Variants in RABEPK observed in about 807,000 individuals in gnomAD.
RABEPK encodes the protein Rab9 effector protein with kelch motifs.
RABEPK carries 27 observed loss-of-function variants against 34.1 expected under a neutral mutation model. That is an observed-to-expected ratio of 0.79 (90% confidence interval 0.58 to 1.09). The LOEUF is 1.09. RABEPK is among the 50% of genes least tolerant of loss of function. The pLI is 0.00. For synonymous variants in RABEPK, 172 were observed against 169.2 expected (o/e 1.02, Z -0.13); for missense variants, 449 against 462.6 (o/e 0.97, Z 0.27).
Position 125,200,597 on chromosome 9 carries a change from G to C in RABEPK, c.-316G>C, listed in dbSNP as rs768110810. On this transcript the variant is annotated 5_prime_UTR_variant, in exon 1 of 8. Transcript: ENST00000373538. ...CCGCAGGTATTGCAGTCCGGGGCTG[G>C]AGGGTAGGGGCGAGGGTCCCCGGAT... The C allele has an allele frequency of 1.8e-5, 8 of 443,756 alleles. No homozygotes were observed. The highest frequency in any genetic ancestry group is 1.3e-4 in the South Asian group (8 of 61,474). The allele number at this position is 443,756 out of a possible 1,614,324, so 27.5% of individuals were successfully genotyped here.
At chr9:125,219,465 G>T (rs1355545481) in intron 4 of RABEPK, among the ~76,000 whole-genome samples, 1 of 151,892 alleles carries the variant, frequency 6.6e-6, no homozygotes, top group African/African-American at 2.4e-5. Flanking sequence ...CATGATCTCA[G>T]CTCACTGCAT....
chr9:125,229,974 C>CT (rs1414576163), intron 6 of RABEPK, among the ~76,000 whole-genome samples: 2 of 151,940 alleles, frequency 1.3e-5, no homozygotes, highest in Non-Finnish European at 2.9e-5. Context: ...CAGGTACTTT[C>CT]TTTTTTTTGA....
At chr9:125,209,496 C>T (rs1457312176) in intron 3 of RABEPK, among the ~76,000 whole-genome samples, 3 of 151,964 alleles carry the variant, frequency 2.0e-5, no homozygotes, top group East Asian at 1.9e-4. Context: ...ATTACAGGCG[C>T]GTGCCACCAG....
At chr9:125,233,509 T>G (rs1467425727) in intron 7 of RABEPK, among the ~76,000 whole-genome samples, 179 bp from the exon 8 acceptor site, 2 of 151,770 alleles carry the variant, frequency 1.3e-5, no homozygotes, top group Non-Finnish European at 2.9e-5. Flanking sequence ...CAGCTAATTT[T>G]TTTTTTGTAT....
At chr9:125,210,785 C>T (rs149677720) in intron 3 of RABEPK, among the ~76,000 whole-genome samples, 29 of 150,904 alleles carry the variant, frequency 1.9e-4, no homozygotes, top group African/African-American at 6.1e-4. Flanking sequence ...AATGGTGACC[C>T]ACTTACGTAT....
chr9:125,225,986 A>AG (rs1831713033), intron 5 of RABEPK, among the ~76,000 whole-genome samples: 1 of 150,276 alleles, frequency 6.7e-6, no homozygotes. Context: ...AAAAAGAAAA[A>AG]GAAAAAAAAA....
chr9:125,207,703 G>A lies in RABEPK; in HGVS notation c.193G>A (p.Val65Met), dbSNP rs776184491. The A allele has an allele frequency of 3.1e-6, 5 of 1,613,990 alleles. No homozygotes were observed. The highest frequency in any genetic ancestry group is 2.2e-5 in the East Asian group (1 of 44,884). ...GANPNRSFSD[V>M]HTMDLGKHQW... ...AAATCCAAACAGAAGCTTCTCAGAC[G>A]TGCACACCATGGATCTGGGTAAGAT... Residue 65 changes from valine (V) to methionine (M), a missense_variant, in exon 3 of 8, where the codon GTG becomes ATG. Val to Met is a conservative substitution (Grantham distance 21). Transcript: ENST00000373538.
At chr9:125,205,307 A>C (rs1830155945) in intron 2 of RABEPK, among the ~76,000 whole-genome samples, 1 of 152,222 alleles carries the variant, frequency 6.6e-6, no homozygotes, top group African/African-American at 2.4e-5. Flanking sequence ...GATAGTTGTG[A>C]AACTGTTGAA....
chr9:125,232,727 A>G lies in RABEPK; in HGVS notation c.808A>G (p.Met270Val), dbSNP rs1382355598. The change falls in exon 7 of 8, where the codon ATG becomes GTG. Residue 270 changes from methionine to valine, a missense_variant. Transcript: ENST00000373538. ...GACTCCTGCAGGAGCACTGGACACA[A>G]TGTACCAGTATCACACAGGTGAGCA... ...GMTPAGALDT[M>V]YQYHTEEQHW... 4 of 1,613,738 alleles carry G rather than the reference A, an allele frequency of 2.5e-6. No individual in the cohort carries two copies. The highest frequency in any genetic ancestry group is 3.4e-6 in the Non-Finnish European group (4 of 1,179,818).
At chr9:125,212,801 CTG>C (rs1163295851) in intron 3 of RABEPK, among the ~76,000 whole-genome samples, 1 of 151,978 alleles carries the variant, frequency 6.6e-6, no homozygotes, top group Non-Finnish European at 1.5e-5. Flanking sequence ...TCCCGAGTAG[CTG>C]GGACTACAGG....
In RABEPK at chr9:125,207,659, T is replaced by A. The variant is rs528721854; in HGVS notation, c.149T>A (p.Val50Asp). 17 of 1,614,106 alleles carry A rather than the reference T, an allele frequency of 1.1e-5. No homozygotes were observed. The African/African-American group carries it at 1.9e-4, about 18-fold the overall frequency. ...GTTGGTAATGCCAAGAGAGGGAAGG[T>A]CTTCATTGTTGGGGGAGCAAATCCA... Reference protein sequence around the residue: ...PPVGNAKRGKVFIVGGANPNR... With the variant: ...PPVGNAKRGKDFIVGGANPNR... The change falls in exon 3 of 8, where the codon GTC (valine) becomes GAC (aspartate). Residue 50 changes from valine (V) to aspartate (D), a missense_variant. Transcript: ENST00000373538.
rs750211838 is a variant in RABEPK at position 125,227,957 on chromosome 9, C to G, written c.574C>G (p.Pro192Ala). ...QPETLGNPPS[P>A]RHGHVMVAAG... is the part of the protein sequence containing the mutation. ...AGAGACACTTGGAAATCCTCCATCT[C>G]CCCGGCATGGTCATGTGATGGTGGC... The change falls in exon 6 of 8, where the codon CCC (proline) becomes GCC (alanine). Residue 192 changes from proline (P) to alanine (A), a missense_variant. By Grantham distance (27) the Pro-to-Ala change is conservative. Coordinates refer to ENST00000373538, the MANE Select transcript of RABEPK (RefSeq NM_005833.4). 2 of 1,609,148 alleles carry G rather than the reference C, an allele frequency of 1.2e-6. No homozygotes were observed. Among genetic ancestry groups the G allele is most frequent in the South Asian group, 2.2e-5 (2 of 90,352 alleles).
intron 1 of RABEPK, 72 bp downstream of exon 1, chr9:125,200,978 C>T (rs1829870514): frequency 2.5e-6 from 1 of 392,592 alleles, no homozygotes; most frequent in Admixed American, 2.9e-5. Flanking sequence ...ACTTCTACTC[C>T]ATGCCAGGTC....
chr9:125,233,792 AAAG>A lies in RABEPK; in HGVS notation c.936_938del (p.Glu312del), dbSNP rs1186345579. ...ATGGCCAGTGACGTGTGCTTCTGAG[AAAG>A]AAGATTCCAACTCTCTCACTCTGAA... On this transcript the variant is annotated inframe_deletion, in exon 8 of 8. Coordinates refer to ENST00000373538, the MANE Select transcript of RABEPK (RefSeq NM_005833.4). The A allele has an allele frequency of 3.7e-6, 6 of 1,614,016 alleles. No homozygotes were observed. The highest frequency in any genetic ancestry group is 5.1e-6 in the Non-Finnish European group (6 of 1,180,014).
rs774273357 is a variant in RABEPK, at chr9:125,232,728, T to A, written c.809T>A (p.Met270Lys). ...GMTPAGALDTMYQYHTEEQHW... is the reference protein window; with the variant it reads ...GMTPAGALDTKYQYHTEEQHW... ...ACTCCTGCAGGAGCACTGGACACAA[T>A]GTACCAGTATCACACAGGTGAGCAG... The change falls in exon 7 of 8, where the codon ATG becomes AAG. Residue 270 changes from methionine to lysine, a missense_variant. Transcript: ENST00000373538. The A allele has an allele frequency of 6.2e-7, 1 of 1,613,754 alleles. No homozygotes were observed. The highest frequency in any genetic ancestry group is 1.3e-5 in the African/African-American group (1 of 75,054).
At position 125,207,732 on chromosome 9, in the gene RABEPK, C is replaced by T. The variant is rs377708745; in HGVS notation, c.211+11C>T. On this transcript the variant is annotated intron_variant, in intron 3 of 7. Transcript: ENST00000373538. ...ACACCATGGATCTGGGTAAGATCAGCAGCTGCAGAGTACATGCCCTATGGC... is the reference window on the plus strand; with the variant it reads ...ACACCATGGATCTGGGTAAGATCAGTAGCTGCAGAGTACATGCCCTATGGC... The T allele has an allele frequency of 4.1e-5, 66 of 1,613,756 alleles. No individual in the cohort carries two copies. Among genetic ancestry groups the T allele is most frequent in the Non-Finnish European group, 5.0e-5 (59 of 1,179,828 alleles).
chr9:125,229,314 T>C (rs540585903), intron 6 of RABEPK, among the ~76,000 whole-genome samples: 1 of 151,516 alleles, frequency 6.6e-6, no homozygotes, highest in South Asian at 2.1e-4. Flanking sequence ...GCACCTGTAG[T>C]CCTGGCTACG....
rs985871598 is a variant in RABEPK, at chr9:125,200,642, C to G, written c.-271C>G. On this transcript the variant is annotated 5_prime_UTR_variant, in exon 1 of 8. Transcript: ENST00000373538. ...CCGGATACCGGGTCTATCACGGTCT[C>G]GGGCAGGGAGTCTGAATCTTTTAGG... 2.1e-6 allele frequency: 1 copy of G among 470,024 alleles called. No individual in the cohort carries two copies. Among genetic ancestry groups the G allele is most frequent in the Admixed American group, 2.4e-5 (1 of 42,546 alleles). The allele number at this position is 470,024 out of a possible 1,614,324, so 29.1% of individuals were successfully genotyped here. A position where few individuals can be genotyped will look rare whatever the true frequency, so the allele number is the denominator to read the frequency against.
At chr9:125,224,705 T>G (rs532007679) in intron 5 of RABEPK, among the ~76,000 whole-genome samples, 105 of 152,232 alleles carry the variant, frequency 6.9e-4, no homozygotes, top group African/African-American at 2.2e-3. Context: ...CCGCCCATCT[T>G]GGCCTCCCAA....
Sources: allele counts gnomAD v4.1 joint callset (sites outside exome capture counted in the v4.1 genomes callset), GRCh38; gene constraint gnomAD v4.1.1; transcripts MANE v1.5; gene names NCBI Gene and HGNC (gene_info 2026-07-23, HGNC 2026-07-21).